Variants in RRP12 observed in about 807,000 individuals in gnomAD.
RRP12 encodes RRP12-like protein.
Under a neutral mutation model 157.3 loss-of-function variants are expected in RRP12, and 78 were observed. The ratio of observed to expected loss-of-function variants is 0.50; its 90% CI spans 0.41 to 0.60. RRP12 has a LOEUF of 0.60. RRP12 is among the 20% of genes least tolerant of loss of function. The pLI, the probability that RRP12 is intolerant of heterozygous loss-of-function variation, is 0.00. For synonymous variants in RRP12, 726 were observed against 670.9 expected (o/e 1.08, Z -1.27); for missense variants, 1,521 against 1,679.9 (o/e 0.91, Z 1.65).
intron 31 of RRP12, 151 bp from the exon 32 acceptor site, chr10:97,359,161 C>T: frequency 8.3e-6 from 5 of 602,358 alleles, no homozygotes; most frequent in Non-Finnish European, 1.2e-5. Context: ...AGGACAAAGA[C>T]CTTCCTCGAG....
At chr10:97,386,939 G>A (rs186692720) in intron 8 of RRP12, among the ~76,000 whole-genome samples, 403 of 152,022 alleles carry the variant, frequency 2.7e-3, no homozygotes, top group African/African-American at 8.9e-3. Flanking sequence ...GCAGTGAGCC[G>A]AGACCACGCC....
At chr10:97,368,675 G>A (rs960485507) in intron 25 of RRP12, among the ~76,000 whole-genome samples, 1 of 152,130 alleles carries the variant, frequency 6.6e-6, no homozygotes, top group Non-Finnish European at 1.5e-5. Flanking sequence ...GTATAAATTC[G>A]AATAACTCCA....
intron 22 of RRP12, 21 bp from the exon 23 acceptor site, chr10:97,370,581 A>G (rs1433000674): frequency 8.7e-6 from 14 of 1,602,578 alleles, no homozygotes; most frequent in Non-Finnish European, 1.2e-5. Context: ...CAACTCCATC[A>G]GCATCTGCTC....
chr10:97,379,577 G>C, intron 14 of RRP12, 51 bp downstream of exon 14: 1 of 1,605,722 alleles, frequency 6.2e-7, no homozygotes. Context: ...CCTTTCCAGG[G>C]GAGAGAACAA....
chr10:97,381,607 A>G, intron 11 of RRP12, 108 bp downstream of exon 11: 1 of 1,226,010 alleles, frequency 8.2e-7, no homozygotes. Flanking sequence ...CCATTTTGAG[A>G]GCGGCCTCTC....
Position 97,357,049 on chromosome 10 carries a change from A to C in RRP12, c.*45T>G. 1 of 1,164,498 alleles carries C rather than the reference A, an allele frequency of 8.6e-7. No individual in the cohort carries two copies. The highest frequency in any genetic ancestry group is 1.3e-6 in the Non-Finnish European group (1 of 790,310). 72.1% of individuals were successfully genotyped at this position (1,164,498 alleles called of 1,614,324 possible). A position where few individuals can be genotyped will look rare whatever the true frequency, so the allele number is the denominator to read the frequency against. The stretch of plus-strand genomic sequence containing the variant: ...GGTGGCAAGGCAGCCTGGGGGCTGA[A>C]AGGGCCTCAGACTGGACCACAGGGC... On this transcript the variant is annotated 3_prime_UTR_variant, in exon 34 of 34. Transcript: ENST00000370992.
rs202039785 is a variant in RRP12 at position 97,374,697 on chromosome 10, G to A, written c.1799-803C>T. On this transcript the variant is annotated intron_variant, in intron 15 of 33. Coordinates refer to ENST00000370992, the MANE Select transcript of RRP12 (RefSeq NM_015179.4). ...TGAGGCAGGAGAATGGAGTGAACCC[G>A]GGAGGTGGAGCTTGCAGTGAGCCGA... Among the ~76,000 whole-genome samples, 46 of 151,356 alleles carry A rather than the reference G, an allele frequency of 3.0e-4. 1 individual carries two copies. In the East Asian group the frequency reaches 7.3e-3, roughly 24 times the overall value.
chr10:97,380,593 G>A (rs546239652), intron 13 of RRP12, among the ~76,000 whole-genome samples: 1 of 152,330 alleles, frequency 6.6e-6, no homozygotes, highest in East Asian at 1.9e-4. Context: ...TAGTGAGCAG[G>A]TGGGGGGACT....
At chr10:97,389,766 G>T (rs1844497865) in intron 6 of RRP12, among the ~76,000 whole-genome samples, 1 of 151,942 alleles carries the variant, frequency 6.6e-6, no homozygotes, top group African/African-American at 2.4e-5. Context: ...AGGCTGGAGT[G>T]CAGTGGTGCA....
intron 33 of RRP12, among the ~76,000 whole-genome samples, chr10:97,358,317 G>A (rs983009790): frequency 2.0e-5 from 3 of 151,934 alleles, no homozygotes; most frequent in Non-Finnish European, 4.4e-5. Flanking sequence ...TGGCGACAGA[G>A]CAAGACTCTG....
At chr10:97,397,427 G>A (rs192262578) in intron 2 of RRP12, among the ~76,000 whole-genome samples, 281 of 152,214 alleles carry the variant, frequency 1.8e-3, no homozygotes, top group African/African-American at 6.5e-3. Context: ...CTCCCAAAGT[G>A]CTAGGATTAC....
chr10:97,393,461 A>G, intron 4 of RRP12: 1 of 681,770 alleles, frequency 1.5e-6, no homozygotes, highest in Admixed American at 1.9e-5. Context: ...AAGGTAAATG[A>G]TTCTATTACC....
Position 97,373,114 on chromosome 10 carries a change from C to A in RRP12, c.2113G>T (p.Asp705Tyr), listed in dbSNP as rs1187546970. 23 of 1,614,002 alleles carry A rather than the reference C, an allele frequency of 1.4e-5. No individual in the cohort carries two copies. The highest frequency in any genetic ancestry group is 2.7e-5 in the African/African-American group (2 of 74,940). ...ACAGCCCGGCGAGGGGCTGGAGTGT[C>A]CCCGGCTGCCACGGGCTGCCCATAC... The part of the protein sequence containing the change: ...NLYGQPVAAG[D>Y]TPAPRRAVLE... Residue 705 changes from aspartate (D) to tyrosine (Y), a missense_variant, in exon 18 of 34, where the codon GAC becomes TAC. By Grantham distance (160) the Asp-to-Tyr change is radical. Transcript: ENST00000370992.
intron 8 of RRP12, among the ~76,000 whole-genome samples, chr10:97,387,392 G>A (rs1342602408): frequency 1.4e-5 from 2 of 145,108 alleles, no homozygotes; most frequent in East Asian, 2.0e-4. Flanking sequence ...GGAGTGCAGT[G>A]GCATGACCAT....
At chr10:97,372,677 AT>A in intron 19 of RRP12, 58 bp downstream of exon 19, 1 of 1,367,724 alleles carries the variant, frequency 7.3e-7, no homozygotes, top group Non-Finnish European at 1.0e-6. Flanking sequence ...CTTCTGCCAG[AT>A]GCACCCTCCA....
In RRP12 at chr10:97,379,453, GA is replaced by G. The variant is rs983469012; in HGVS notation, c.1677-40del. On this transcript the variant is annotated intron_variant, in intron 14 of 33. Coordinates refer to ENST00000370992, the MANE Select transcript of RRP12 (RefSeq NM_015179.4). ...GGGAAGAACCCAATGAGGATGAGGGGACAGCCCTGAGGGCAGTGCATAGCAT... is the reference window on the plus strand; with the variant it reads ...GGGAAGAACCCAATGAGGATGAGGGGCAGCCCTGAGGGCAGTGCATAGCAT... 3 of 1,612,120 alleles carry G rather than the reference GA, an allele frequency of 1.9e-6. No homozygotes were observed. The African/African-American group carries it at 4.0e-5, about 22-fold the overall frequency.
chr10:97,393,541 G>T, intron 4 of RRP12, 143 bp downstream of exon 4: 1 of 728,414 alleles, frequency 1.4e-6, no homozygotes, highest in Non-Finnish European at 2.4e-6. Flanking sequence ...TCACATGCTG[G>T]CCCATTCTGC....
chr10:97,368,439 C>A (rs147291878), intron 25 of RRP12, among the ~76,000 whole-genome samples: 1 of 152,056 alleles, frequency 6.6e-6, no homozygotes, highest in African/African-American at 2.4e-5. Flanking sequence ...CTCACTGCAA[C>A]ATCCGCCTCC....
At chr10:97,398,772 T>C (rs1303659678) in intron 2 of RRP12, among the ~76,000 whole-genome samples, 1 of 152,130 alleles carries the variant, frequency 6.6e-6, no homozygotes, top group African/African-American at 2.4e-5. Flanking sequence ...CAAATCTACT[T>C]GTACAACCAT....
Sources: allele counts gnomAD v4.1 joint callset (sites outside exome capture counted in the v4.1 genomes callset), GRCh38; gene constraint gnomAD v4.1.1; transcripts MANE v1.5; gene names NCBI Gene and HGNC (gene_info 2026-07-23, HGNC 2026-07-21).